The following PARD6G variants were observed in gnomAD, a reference collection of about 807,000 sequenced individuals.
PARD6G encodes par-6 family cell polarity regulator gamma, also known as partitioning defective 6 homolog gamma.
A neutral mutation model predicts 10.7 loss-of-function variants in PARD6G; 7 were observed. That is an observed-to-expected ratio of 0.66 (90% CI 0.37 to 1.23). The LOEUF is 1.23. PARD6G is among the 50% of genes most tolerant of loss of function. The probability of loss-of-function intolerance (pLI) is 0.02; values close to 1 mark genes in which losing one functional copy is unlikely to be tolerated. For missense variants in PARD6G, 548 were observed against 571.8 expected (o/e 0.96, Z 0.42); for synonymous variants, 287 against 269.4 (o/e 1.07, Z -0.64).
chr18:80,164,963 G>C (rs1443196049), intron 2 of PARD6G, among the ~76,000 whole-genome samples: 1 of 152,204 alleles, frequency 6.6e-6, no homozygotes, highest in Admixed American at 6.5e-5. Flanking sequence ...CGGAACCACT[G>C]ATAAGCATCC....
intron 2 of PARD6G, among the ~76,000 whole-genome samples, chr18:80,163,481 G>A (rs977726373): frequency 1.3e-5 from 2 of 152,174 alleles, no homozygotes; most frequent in Admixed American, 6.5e-5. Context: ...CTCCCTCTGA[G>A]AGCCGCTTGT....
chr18:80,160,171 A>G lies in PARD6G; in HGVS notation c.731T>C (p.Ile244Thr). 1.2e-6 allele frequency: 2 copies of G among 1,613,308 alleles called. No individual in the cohort carries two copies. The highest frequency in any genetic ancestry group is 1.1e-5 in the South Asian group (1 of 91,084). Residue 244 changes from isoleucine (I) to threonine (T), a missense_variant, in exon 3 of 3, where the codon ATC (isoleucine) becomes ACC (threonine). Physicochemically the swap from Ile to Thr is moderately conservative, Grantham distance 89 (BLOSUM62 -1). This residue lies in a region of PARD6G where 313 missense variants were observed against 279.9 expected (regional missense o/e 1.12). Transcript: ENST00000353265. Reference protein sequence around the residue: ...DMMIANSHNLIVTVKPANQRN... With the variant: ...DMMIANSHNLTVTVKPANQRN... Reference sequence around the variant, plus strand: ...CTGGTTGGCGGGCTTGACGGTGACGATGAGGTTGTGGCTGTTGGCGATCAT... The same window carrying G: ...CTGGTTGGCGGGCTTGACGGTGACGGTGAGGTTGTGGCTGTTGGCGATCAT...
intron 2 of PARD6G, among the ~76,000 whole-genome samples, chr18:80,194,145 C>T (rs781748431): frequency 6.6e-6 from 1 of 152,188 alleles, no homozygotes; most frequent in African/African-American, 2.4e-5. Context: ...CTACAACGAG[C>T]TACTTTTCAT....
rs755164679 is a variant in PARD6G, at chr18:80,188,602, GTC to G, written c.295+14106_295+14107del. Among the ~76,000 whole-genome samples the G allele has an allele frequency of 6.6e-6, 1 of 152,204 alleles. No individual in the cohort carries two copies. Among genetic ancestry groups the G allele is most frequent in the African/African-American group, 2.4e-5 (1 of 41,454 alleles). On this transcript the variant is annotated intron_variant, in intron 2 of 2. Coordinates refer to ENST00000353265, the MANE Select transcript of PARD6G (RefSeq NM_032510.4). The surrounding 1 kb of genome is among the most constrained non-coding windows in gnomAD (Gnocchi z 5.4). ...GGATGCCCAGTTCGCCAGAGGAAGG[GTC>G]TCTCTGTTTCCCCACCTATTGCTCT... is the stretch of plus-strand genomic sequence containing the variant.
At chr18:80,220,570 G>C (rs910727199) in intron 1 of PARD6G, among the ~76,000 whole-genome samples, 1 of 151,768 alleles carries the variant, frequency 6.6e-6, no homozygotes, top group African/African-American at 2.4e-5. Context: ...AAAGGAAACT[G>C]GGTATGGTGT....
In PARD6G at chr18:80,204,675, A is replaced by G. The variant is rs1040965588; in HGVS notation, c.73-1743T>C. Among the ~76,000 whole-genome samples the G allele has an allele frequency of 3.9e-5, 6 of 152,008 alleles. No individual in the cohort carries two copies. The East Asian group carries it at 7.7e-4, about 20-fold the overall frequency. ...TTCAAAATACTGGCTTGGGGCAGGCATGGTGGCTCACGCCTGTAATCCCAG... is the reference window on the plus strand; with the variant it reads ...TTCAAAATACTGGCTTGGGGCAGGCGTGGTGGCTCACGCCTGTAATCCCAG... On this transcript the variant is annotated intron_variant, in intron 1 of 2. Coordinates refer to ENST00000353265, the MANE Select transcript of PARD6G (RefSeq NM_032510.4).
intron 1 of PARD6G, among the ~76,000 whole-genome samples, chr18:80,210,735 A>C (rs1967099118): frequency 6.6e-6 from 1 of 152,382 alleles, no homozygotes; most frequent in South Asian, 2.1e-4. Context: ...AATTATAAAC[A>C]AATAATTATT....
chr18:80,226,742 T>C (rs1194110354), intron 1 of PARD6G, among the ~76,000 whole-genome samples: 2 of 152,140 alleles, frequency 1.3e-5, no homozygotes, highest in Non-Finnish European at 2.9e-5. Context: ...GTTGTCACAC[T>C]GGCCAGCAAA....
chr18:80,162,214 A>C (rs2052705117), intron 2 of PARD6G: 2 of 152,136 alleles, frequency 1.3e-5, no homozygotes, highest in Non-Finnish European at 2.9e-5. Flanking sequence ...TTATCAGCAT[A>C]ATTTATTACC....
At position 80,247,087 on chromosome 18, in the gene PARD6G, C is replaced by T. The variant is rs1238295960; in HGVS notation, c.72+190G>A. ...GCGCCGCGGCTGCCGGGCTTTGTGT[C>T]CGCGCGGGGGGCGGGAAGGACGGCC... On this transcript the variant is annotated intron_variant, in intron 1 of 2. Transcript: ENST00000353265. The surrounding 1 kb of genome is among the most constrained non-coding windows in gnomAD (Gnocchi z 4.2). 6.6e-6 allele frequency among the ~76,000 whole-genome samples: 1 copy of T among 152,132 alleles called. No homozygotes were observed. The highest frequency in any genetic ancestry group is 2.4e-5 in the African/African-American group (1 of 41,446).
rs749943830 is a variant in PARD6G at position 80,202,740 on chromosome 18, G to T, written c.265C>A (p.Pro89Thr). 1.7e-5 allele frequency: 27 copies of T among 1,613,340 alleles called. No individual in the cohort carries two copies. The highest frequency in any genetic ancestry group is 2.2e-5 in the East Asian group (1 of 44,894). Residue 89 changes from proline (P) to threonine (T), a missense_variant, in exon 2 of 3, where the codon CCC becomes ACC. Pro to Thr is a conservative substitution (Grantham distance 38, BLOSUM62 -1). Around this residue, in one of 2 missense-constraint regions of PARD6G, gnomAD observed 235 missense variants for 291.9 expected, o/e 0.81. Coordinates refer to ENST00000353265, the MANE Select transcript of PARD6G (RefSeq NM_032510.4). ...TTCTGGATGAAGACCCTGAGCAGGG[G>T]ATTTGCACTAGAAACCGCCTTGCAG... ...NFCKAVSSAN[P>T]LLRVFIQKRE...
At position 80,168,573 on chromosome 18, in the gene PARD6G, T is replaced by TTGTGTGTGTGTGTG. The variant is rs3051500; in HGVS notation, c.296-7981_296-7968dup. ...TATCCTGTTTTCAGTCAAATTATGT[T>TTGTGTGTGTGTGTG]TGTGTGTGTGTGTGTGTGTGTGTGT... On this transcript the variant is annotated intron_variant, in intron 2 of 2. Coordinates refer to ENST00000353265, the MANE Select transcript of PARD6G (RefSeq NM_032510.4). Among the ~76,000 whole-genome samples, 8 of 144,336 alleles carry TTGTGTGTGTGTGTG rather than the reference T, an allele frequency of 5.5e-5. 1 individual carries two copies. The highest frequency in any genetic ancestry group is 2.0e-4 in the East Asian group (1 of 4,890). The allele number at this position is 144,336 out of a possible 152,430, so 94.7% of individuals were successfully genotyped here. A position where few individuals can be genotyped will look rare whatever the true frequency, so the allele number is the denominator to read the frequency against.
At chr18:80,245,939 A>C (rs950821957) in intron 1 of PARD6G, among the ~76,000 whole-genome samples, 3 of 152,134 alleles carry the variant, frequency 2.0e-5, no homozygotes, top group Non-Finnish European at 4.4e-5. Flanking sequence ...TAAGCAGAGA[A>C]GGATCCTGCA....
intron 1 of PARD6G, among the ~76,000 whole-genome samples, chr18:80,241,006 A>G (rs1967483920): frequency 6.6e-6 from 1 of 152,212 alleles, no homozygotes; most frequent in Non-Finnish European, 1.5e-5. Flanking sequence ...CTCTGAAAGA[A>G]TAGCTACTGA....
rs1053341458 is a variant in PARD6G, at chr18:80,175,684, G to A, written c.296-15078C>T. 2.0e-5 allele frequency among the ~76,000 whole-genome samples: 3 copies of A among 152,204 alleles called. No homozygotes were observed. Among genetic ancestry groups the A allele is most frequent in the East Asian group, 1.9e-4 (1 of 5,186 alleles). The stretch of plus-strand genomic sequence containing the variant: ...CGTTCTCTGTCAGGGCACAACCCTC[G>A]TTCCACCACCGCAGGGACATTAGGT... On this transcript the variant is annotated intron_variant, in intron 2 of 2. Transcript: ENST00000353265. This position sits in a 1 kb window ranked among gnomAD's most constrained non-coding sequence, Gnocchi z 6.7.
intron 2 of PARD6G, among the ~76,000 whole-genome samples, chr18:80,199,974 T>C (rs974844568): frequency 1.3e-5 from 2 of 152,212 alleles, no homozygotes; most frequent in African/African-American, 2.4e-5. Flanking sequence ...TAAAACATAA[T>C]TGTGGGTTTA....
chr18:80,233,858 T>C (rs1333667085), intron 1 of PARD6G, among the ~76,000 whole-genome samples: 1 of 152,190 alleles, frequency 6.6e-6, no homozygotes, highest in Admixed American at 6.5e-5. Context: ...TTGACAAGCG[T>C]ACTGATGTGA....
At chr18:80,165,712 A>G (rs969672018) in intron 2 of PARD6G, among the ~76,000 whole-genome samples, 1 of 150,016 alleles carries the variant, frequency 6.7e-6, no homozygotes, top group Non-Finnish European at 1.5e-5. Flanking sequence ...CTTTGCCTCT[A>G]AAATTTTAGT....
At chr18:80,169,531 T>A (rs2052760384) in intron 2 of PARD6G, 1 of 152,300 alleles carries the variant, frequency 6.6e-6, no homozygotes. Flanking sequence ...GGACGGGAGA[T>A]GGTGCCCTCG....
Sources: allele counts gnomAD v4.1 joint callset (sites outside exome capture counted in the v4.1 genomes callset), GRCh38; gene constraint gnomAD v4.1.1; regional missense constraint gnomAD v4.1.1; non-coding constraint Gnocchi (gnomAD v3.1); transcripts MANE v1.5; gene names NCBI Gene and HGNC (gene_info 2026-07-23, HGNC 2026-07-21).